The following IMPG1 variants were observed in gnomAD, a reference collection of about 807,000 sequenced individuals.
The protein encoded by IMPG1 is interphotoreceptor matrix proteoglycan 1, also known as interphotoreceptor matrix proteoglycan of 150 kDa.
Under a neutral mutation model 92.0 loss-of-function variants are expected in IMPG1, and 85 were observed. The observed-to-expected ratio is 0.92, with a 90% confidence interval of 0.78 to 1.11. The LOEUF (loss-of-function observed/expected upper bound fraction) is 1.11. Ranked by LOEUF, IMPG1 falls within the 50% of genes least tolerant of loss-of-function variation. The probability of loss-of-function intolerance (pLI) is 0.00; values close to 1 mark genes in which losing one functional copy is unlikely to be tolerated. For synonymous variants in IMPG1, 367 were observed against 334.1 expected (o/e 1.10, Z -1.08); for missense variants, 1,022 against 956.0 (o/e 1.07, Z -0.91).
rs116638114 is a variant in IMPG1 at position 75,952,062 on chromosome 6, C to T, written c.1292-968G>A. Among the ~76,000 whole-genome samples the T allele has an allele frequency of 6.2e-3, 940 of 152,288 alleles. 10 individuals carry two copies. Among genetic ancestry groups the T allele is most frequent in the African/African-American group, 0.021 (884 of 41,548 alleles). ...CTACCTTGGGTAAGTACACATTGAACTATCAAAACCTACCCCTTTTTTGGT... is the reference window on the plus strand; with the variant it reads ...CTACCTTGGGTAAGTACACATTGAATTATCAAAACCTACCCCTTTTTTGGT... On this transcript the variant is annotated intron_variant, in intron 12 of 16. Coordinates refer to ENST00000369950, the MANE Select transcript of IMPG1 (RefSeq NM_001563.4).
At chr6:76,009,476 T>C (rs1783149332) in intron 8 of IMPG1, among the ~76,000 whole-genome samples, 1 of 152,230 alleles carries the variant, frequency 6.6e-6, no homozygotes, top group African/African-American at 2.4e-5. Flanking sequence ...AAAAGCAATT[T>C]CCTTAATAAC....
At chr6:76,006,227 G>A (rs1783094985) in intron 9 of IMPG1, among the ~76,000 whole-genome samples, 1 of 151,716 alleles carries the variant, frequency 6.6e-6, no homozygotes, top group Non-Finnish European at 1.5e-5. Context: ...CAGGAAGAAG[G>A]ATGAATTATC....
At position 75,930,957 on chromosome 6, in the gene IMPG1, A is replaced by G. The variant is rs920611294; in HGVS notation, c.2239T>C (p.Cys747Arg). 7 of 1,613,990 alleles carry G rather than the reference A, an allele frequency of 4.3e-6. No homozygotes were observed. The African/African-American group carries it at 6.7e-5, about 15-fold the overall frequency. The change falls in exon 15 of 17, where the codon TGC (cysteine) becomes CGC (arginine). Residue 747 changes from cysteine (C) to arginine (R), a missense_variant. Physicochemically the swap from Cys to Arg is radical, Grantham distance 180 (BLOSUM62 -3). Transcript: ENST00000369950. ...ACGTTAGCATGCTTGACCCACCTGC[A>G]TGGAGCTCCCTTTCCCTGGAGGACC... ...CEVLQGKGAP[C>R]RLPDHSENQA...
At position 76,019,473 on chromosome 6, in the gene IMPG1, A is replaced by G. The variant is rs190839425; in HGVS notation, c.667-615T>C. Among the ~76,000 whole-genome samples the G allele has an allele frequency of 2.6e-5, 4 of 152,362 alleles. No individual in the cohort carries two copies. In the East Asian group the frequency reaches 7.7e-4, roughly 29 times the overall value. On this transcript the variant is annotated intron_variant, in intron 6 of 16. Transcript: ENST00000369950. ...AATCAGAGTTACAGAAGCTGAAAGA[A>G]GAGAACAGTTAATGGAAATTGCCCT...
intron 12 of IMPG1, among the ~76,000 whole-genome samples, chr6:75,997,251 T>C (rs1052399930): frequency 6.6e-6 from 1 of 152,236 alleles, no homozygotes; most frequent in African/African-American, 2.4e-5. Context: ...AATAAACTTC[T>C]GTTAGGAAAA....
chr6:76,029,200 AT>A (rs1783610303), intron 4 of IMPG1, among the ~76,000 whole-genome samples: 1 of 152,212 alleles, frequency 6.6e-6, no homozygotes, highest in African/African-American at 2.4e-5. Context: ...CTCCAAGTTT[AT>A]CTTTGGACCT....
intron 1 of IMPG1, among the ~76,000 whole-genome samples, chr6:76,044,470 T>A (rs1319342821): frequency 6.6e-6 from 1 of 152,154 alleles, no homozygotes; most frequent in Non-Finnish European, 1.5e-5. Context: ...GGTCCTGCTA[T>A]CGGCCTGGTC....
intron 1 of IMPG1, among the ~76,000 whole-genome samples, chr6:76,054,767 A>G (rs892631413): frequency 2.0e-5 from 3 of 152,124 alleles, no homozygotes; most frequent in African/African-American, 7.2e-5. Flanking sequence ...AGATGTGGCC[A>G]ATTGGCTCTT....
intron 12 of IMPG1, among the ~76,000 whole-genome samples, chr6:75,974,356 TTTCTTTC>T (rs1782478937): frequency 8.2e-6 from 1 of 122,316 alleles, no homozygotes; most frequent in African/African-American, 3.1e-5. Flanking sequence ...TCTTTCTTTC[TTTCTTTC>T]TTTCTTTCTT....
At chr6:75,994,006 T>G (rs1435970412) in intron 12 of IMPG1, among the ~76,000 whole-genome samples, 4 of 152,228 alleles carry the variant, frequency 2.6e-5, no homozygotes, top group East Asian at 3.8e-4. Context: ...TGGCCTGAGC[T>G]GCTGTGTGCT....
In IMPG1 at chr6:75,954,065, A is replaced by G. The variant is rs1028828074; in HGVS notation, c.1292-2971T>C. Among the ~76,000 whole-genome samples the G allele has an allele frequency of 3.3e-5, 5 of 152,346 alleles. No individual in the cohort carries two copies. In the East Asian group the frequency reaches 9.6e-4, roughly 29 times the overall value. ...CTTTGCTATTGTGAACATTGCCACA[A>G]TAAATATACCTGTGCACATGTCTTT... On this transcript the variant is annotated intron_variant, in intron 12 of 16. Transcript: ENST00000369950.
chr6:75,926,588 G>T (rs1032212093), intron 15 of IMPG1, among the ~76,000 whole-genome samples: 1 of 152,164 alleles, frequency 6.6e-6, no homozygotes, highest in African/African-American at 2.4e-5. Flanking sequence ...AGCATAGTAG[G>T]CCTATGAAAT....
At chr6:75,934,866 A>C in intron 14 of IMPG1, 1 of 445,218 alleles carries the variant, frequency 2.2e-6, no homozygotes, top group South Asian at 1.6e-5. Flanking sequence ...TGAGTGCCTT[A>C]TCTCCCTAAC....
At chr6:75,988,318 C>T (rs1223258510) in intron 12 of IMPG1, among the ~76,000 whole-genome samples, 1 of 152,196 alleles carries the variant, frequency 6.6e-6, no homozygotes, top group African/African-American at 2.4e-5. Flanking sequence ...GCCATTCTAA[C>T]TGGTGTGAGA....
At chr6:75,972,609 A>G (rs1782442206) in intron 12 of IMPG1, among the ~76,000 whole-genome samples, 1 of 152,186 alleles carries the variant, frequency 6.6e-6, no homozygotes, top group Non-Finnish European at 1.5e-5. Context: ...AGACATGCCT[A>G]ATTAATGAAC....
chr6:76,063,763 G>T (rs1784250406), intron 1 of IMPG1, among the ~76,000 whole-genome samples: 1 of 152,194 alleles, frequency 6.6e-6, no homozygotes, highest in African/African-American at 2.4e-5. Context: ...ACATAGGGCT[G>T]GGTGACTCCA....
At chr6:76,048,358 T>C (rs1473410799) in intron 1 of IMPG1, among the ~76,000 whole-genome samples, 1 of 152,218 alleles carries the variant, frequency 6.6e-6, no homozygotes, top group Non-Finnish European at 1.5e-5. Flanking sequence ...TGATTCTTTC[T>C]CTTAGCTGAT....
At chr6:75,924,338 A>G (rs540468795) in intron 15 of IMPG1, among the ~76,000 whole-genome samples, 1 of 141,278 alleles carries the variant, frequency 7.1e-6, no homozygotes, top group African/African-American at 2.7e-5. Context: ...TTTGGAGTCA[A>G]CCTGTTGTTC....
chr6:76,072,274 T>C (rs1784413568), intron 1 of IMPG1, 148 bp downstream of exon 1: 6 of 490,304 alleles, frequency 1.2e-5, no homozygotes, highest in Non-Finnish European at 1.8e-5. Flanking sequence ...TGATAGTTAA[T>C]TATTCAATCA....
Sources: allele counts gnomAD v4.1 joint callset (sites outside exome capture counted in the v4.1 genomes callset), GRCh38; gene constraint gnomAD v4.1.1; transcripts MANE v1.5; gene names NCBI Gene and HGNC (gene_info 2026-07-23, HGNC 2026-07-21).